The following ROR1 variants were observed in gnomAD, a reference collection of about 807,000 sequenced individuals.
The protein encoded by ROR1 is ROR family WNT receptor 1, also known as inactive tyrosine-protein kinase transmembrane receptor ROR1.
Under a neutral mutation model 78.8 loss-of-function variants are expected in ROR1, and 19 were observed. The observed-to-expected ratio is 0.24, with a 90% CI of 0.17 to 0.35. The LOEUF (loss-of-function observed/expected upper bound fraction) is 0.35, where lower values mean the gene tolerates loss of function less well. Ranked by LOEUF, ROR1 falls within the 10% of genes least tolerant of loss-of-function variation. The probability of loss-of-function intolerance (pLI) is 1.00; values close to 1 mark genes in which losing one functional copy is unlikely to be tolerated. For missense variants in ROR1, 917 were observed against 1,177.8 expected, an observed-to-expected ratio of 0.78 and a Z score of 3.24; for synonymous variants, 386 against 433.6, an observed-to-expected ratio of 0.89 and a Z score of 1.36.
intron 1 of ROR1, among the ~76,000 whole-genome samples, chr1:63,940,484 GATAGATAGACAGAC>G (rs1645828593): frequency 7.1e-5 from 5 of 70,702 alleles, no homozygotes; most frequent in Non-Finnish European, 1.8e-4. Context: ...TAGATAGACA[GATAGATAGACAGAC>G]AGATAGATAG....
intron 1 of ROR1, among the ~76,000 whole-genome samples, chr1:63,989,486 C>T (rs1375908331): frequency 3.3e-5 from 5 of 152,108 alleles, no homozygotes; most frequent in Non-Finnish European, 7.4e-5. Flanking sequence ...AGACTGACTT[C>T]TTCATTTTGA....
chr1:63,819,292 C>T (rs544067082), intron 1 of ROR1, among the ~76,000 whole-genome samples: 5 of 152,276 alleles, frequency 3.3e-5, no homozygotes, highest in African/African-American at 2.4e-5. Flanking sequence ...TAGACCTATA[C>T]AAGTGACATC....
chr1:63,981,025 T>C (rs944784199), intron 1 of ROR1, among the ~76,000 whole-genome samples: 1 of 152,118 alleles, frequency 6.6e-6, no homozygotes, highest in African/African-American at 2.4e-5. Flanking sequence ...AGAAAAAATA[T>C]ACCTTTGTCT....
chr1:63,865,386 G>A (rs1175870604), intron 1 of ROR1, among the ~76,000 whole-genome samples: 2 of 152,072 alleles, frequency 1.3e-5, no homozygotes, highest in Non-Finnish European at 2.9e-5. Flanking sequence ...CTGTACTCTG[G>A]AAAACTTTTA....
chr1:63,986,258 T>C (rs977323123), intron 1 of ROR1, among the ~76,000 whole-genome samples: 2 of 152,238 alleles, frequency 1.3e-5, no homozygotes, highest in African/African-American at 4.8e-5. Flanking sequence ...TTCATTTATG[T>C]CTTTCTGTAT....
chr1:64,075,594 G>A (rs1647043863), intron 4 of ROR1, among the ~76,000 whole-genome samples: 1 of 152,164 alleles, frequency 6.6e-6, no homozygotes, highest in Non-Finnish European at 1.5e-5. Context: ...TGCAATAACC[G>A]TGTATATGCA....
chr1:63,925,715 G>A, intron 1 of ROR1, among the ~76,000 whole-genome samples: 1 of 149,754 alleles, frequency 6.7e-6, no homozygotes, highest in East Asian at 2.0e-4. Flanking sequence ...TCTAACTGGT[G>A]TGAGATGGTA....
At chr1:64,025,831 A>G (rs1646604579) in intron 2 of ROR1, among the ~76,000 whole-genome samples, 2 of 152,176 alleles carry the variant, frequency 1.3e-5, no homozygotes, top group East Asian at 3.9e-4. Flanking sequence ...GCAAAGGCAT[A>G]AGAATGATAC....
intron 4 of ROR1, among the ~76,000 whole-genome samples, chr1:64,090,365 C>T (rs1647185884): frequency 6.6e-6 from 1 of 152,122 alleles, no homozygotes; most frequent in South Asian, 2.1e-4. Context: ...TTTGGATGAA[C>T]ATTAGTTGAT....
At chr1:63,953,502 A>G (rs899931634) in intron 1 of ROR1, among the ~76,000 whole-genome samples, 2 of 152,222 alleles carry the variant, frequency 1.3e-5, no homozygotes, top group Non-Finnish European at 2.9e-5. Flanking sequence ...AGATTGTTAT[A>G]CTGTACCACA....
At chr1:63,884,850 T>C (rs1172105340) in intron 1 of ROR1, among the ~76,000 whole-genome samples, 1 of 151,724 alleles carries the variant, frequency 6.6e-6, no homozygotes, top group East Asian at 1.9e-4. Flanking sequence ...GTTTTTTTTT[T>C]TGAGGAGAGT....
chr1:63,986,155 T>A (rs1570016860), intron 1 of ROR1, among the ~76,000 whole-genome samples: 1 of 152,164 alleles, frequency 6.6e-6, no homozygotes, highest in Non-Finnish European at 1.5e-5. Flanking sequence ...AGGTTCTGCA[T>A]AGCACAGAGA....
chr1:63,821,462 G>T (rs2100285250), intron 1 of ROR1, among the ~76,000 whole-genome samples: 1 of 152,322 alleles, frequency 6.6e-6, no homozygotes, highest in South Asian at 2.1e-4. Context: ...GCATTTGGAA[G>T]AAAATCATAG....
At chr1:64,127,044 A>G (rs1034909981) in intron 4 of ROR1, among the ~76,000 whole-genome samples, 31 of 152,166 alleles carry the variant, frequency 2.0e-4, no homozygotes, top group Non-Finnish European at 3.4e-4. Flanking sequence ...TGTTTCCTCA[A>G]TATTTTAACC....
chr1:64,065,664 G>T (rs1646950519), intron 4 of ROR1, among the ~76,000 whole-genome samples: 1 of 152,080 alleles, frequency 6.6e-6, no homozygotes, highest in African/African-American at 2.4e-5. Flanking sequence ...TGATCACATG[G>T]GCACATTCCA....
chr1:64,180,943 C>T lies in ROR1; in HGVS notation c.*2088C>T, dbSNP rs1239849848. ...TTAAACATTTTATAATAACTGAAAA[C>T]ATTAAAGTGAGCAAATGAAATTTCA... On this transcript the variant is annotated 3_prime_UTR_variant, in exon 9 of 9. Coordinates refer to ENST00000371079, the MANE Select transcript of ROR1 (RefSeq NM_005012.4). The T allele has an allele frequency of 6.6e-6, 1 of 151,980 alleles. No individual in the cohort carries two copies. Among genetic ancestry groups the T allele is most frequent in the Non-Finnish European group, 1.5e-5 (1 of 67,936 alleles). The allele number at this position is 151,980 out of a possible 1,614,324, so 9.4% of individuals were successfully genotyped here.
chr1:64,048,480 T>G (rs1311977196), intron 2 of ROR1, among the ~76,000 whole-genome samples: 1 of 152,128 alleles, frequency 6.6e-6, no homozygotes, highest in Non-Finnish European at 1.5e-5. Flanking sequence ...ACCCCAGACT[T>G]GGACCTACGG....
chr1:63,844,686 G>A (rs1645069764), intron 1 of ROR1, among the ~76,000 whole-genome samples: 1 of 152,178 alleles, frequency 6.6e-6, no homozygotes, highest in African/African-American at 2.4e-5. Flanking sequence ...CCCTATAGGA[G>A]TCCAGTGTAG....
chr1:63,994,732 G>A (rs1397115005), intron 1 of ROR1, among the ~76,000 whole-genome samples: 3 of 152,152 alleles, frequency 2.0e-5, no homozygotes, highest in Non-Finnish European at 2.9e-5. Flanking sequence ...AAATACCTCC[G>A]TCATCCCTGA....
Sources: gnomAD v4.1 joint callset for allele counts (sites outside exome capture counted in the v4.1 genomes callset) on GRCh38, gnomAD v4.1.1 for gene constraint, MANE v1.5 for transcripts, NCBI Gene and HGNC (gene_info 2026-07-23, HGNC 2026-07-21) for gene names.